The following MPND variants were observed in gnomAD, a reference collection of about 807,000 sequenced individuals.
The protein encoded by MPND is MPN domain containing.
Under a neutral mutation model 59.2 loss-of-function variants are expected in MPND, and 56 were observed. The ratio of observed to expected loss-of-function variants is 0.95; its 90% CI spans 0.76 to 1.18. The LOEUF is 1.18. Among genes scored for constraint, MPND ranks in the 50% most tolerant of loss-of-function variants. The pLI is 0.00. For missense variants in MPND, 671 were observed against 676.0 expected (o/e 0.99, Z 0.08); for synonymous variants, 323 against 291.9 (o/e 1.11, Z -1.09).
Position 4,343,733 on chromosome 19 carries a change from CG to C in MPND, c.35del (p.Gly12ValfsTer124), listed in dbSNP as rs1277787806. 8.3e-7 allele frequency: 1 copy of C among 1,205,122 alleles called. No individual in the cohort carries two copies. The highest frequency in any genetic ancestry group is 1.6e-5 in the African/African-American group (1 of 63,092). 74.7% of individuals were successfully genotyped at this position (1,205,122 alleles called of 1,614,324 possible). A position where few individuals can be genotyped will look rare whatever the true frequency, so the allele number is the denominator to read the frequency against. On this transcript the variant is annotated frameshift_variant, in exon 2 of 13. Coordinates refer to ENST00000599840, the MANE Select transcript of MPND (RefSeq NM_001300862.2). LOFTEE classifies it high-confidence loss of function. ...AAPEPLSPAG[G>X]AGEEAPEEDE... is the part of the protein sequence containing the mutation. Reference sequence around the variant, plus strand: ...CTCCGGAGCCGCTGTCCCCGGCGGGCGGTGCGGGCGAGGAGGCGCCGGAGGA... The same window carrying C: ...CTCCGGAGCCGCTGTCCCCGGCGGGCGTGCGGGCGAGGAGGCGCCGGAGGA...
chr19:4,355,305 G>C, intron 8 of MPND, 132 bp downstream of exon 8: 1 of 798,176 alleles, frequency 1.3e-6, no homozygotes, highest in Non-Finnish European at 2.0e-6. Flanking sequence ...CTGTGTGCTT[G>C]GGACCCCATG....
Position 4,345,864 on chromosome 19 carries a change from C to G in MPND, c.414C>G (p.Ala138=), listed in dbSNP as rs758428954. ...ACTGCAAGAAGCTGGTGAACCCTGC[C>G]AAGAAGTCGGGCTGTGGCTGGGCCT... The part of the protein sequence containing the change: ...ATHCKKLVNP[A]KKSGCGWASV... Residue 138 remains alanine, a synonymous_variant, in exon 3 of 13, where the codon GCC becomes GCG. Coordinates refer to ENST00000599840, the MANE Select transcript of MPND (RefSeq NM_001300862.2). The G allele has an allele frequency of 5.0e-6, 8 of 1,613,952 alleles. No homozygotes were observed. Among genetic ancestry groups the G allele is most frequent in the Non-Finnish European group, 6.8e-6 (8 of 1,180,036 alleles).
At position 4,359,208 on chromosome 19, in the gene MPND, C is replaced by T. The variant is rs1272306993; in HGVS notation, c.1372C>T (p.Leu458Phe). The change falls in exon 12 of 13, where the codon CTC (leucine) becomes TTC (phenylalanine). Residue 458 changes from leucine (L) to phenylalanine (F), a missense_variant. Coordinates refer to ENST00000599840, the MANE Select transcript of MPND (RefSeq NM_001300862.2). ...CAAGGGTTCCCCTGACCTCGTGAGG[C>T]TCCAGGAACCCTGGAGCCAGGAGCA... ...FYKGSPDLVRLQEPWSQEHTY... is the reference protein window; with the variant it reads ...FYKGSPDLVRFQEPWSQEHTY... 5.6e-6 allele frequency: 9 copies of T among 1,613,436 alleles called. No individual in the cohort carries two copies. The highest frequency in any genetic ancestry group is 7.6e-6 in the Non-Finnish European group (9 of 1,179,802).
intron 10 of MPND, 142 bp downstream of exon 10, chr19:4,357,727 G>A: frequency 1.3e-6 from 1 of 797,122 alleles, no homozygotes. Flanking sequence ...GGACGTGACT[G>A]CTGCCCTGCC....
At chr19:4,349,388 C>T (rs1972263227) in intron 3 of MPND, among the ~76,000 whole-genome samples, 1 of 152,044 alleles carries the variant, frequency 6.6e-6, no homozygotes, top group African/African-American at 2.4e-5. Flanking sequence ...GATTCCTTTG[C>T]CTTGGTGGGA....
intron 3 of MPND, among the ~76,000 whole-genome samples, chr19:4,350,639 C>T (rs992398931): frequency 2.6e-5 from 4 of 152,058 alleles, no homozygotes; most frequent in African/African-American, 4.8e-5. Flanking sequence ...GTGGGTGGAT[C>T]GAGCTGCCAA....
At chr19:4,358,761 T>C (rs1477105028) in intron 11 of MPND, among the ~76,000 whole-genome samples, 1 of 152,186 alleles carries the variant, frequency 6.6e-6, no homozygotes, top group African/African-American at 2.4e-5. Context: ...CGCTCCAGTC[T>C]GGGCCACAGA....
chr19:4,353,737 T>A (rs1972371002), intron 4 of MPND: 1 of 285,100 alleles, frequency 3.5e-6, no homozygotes, highest in Non-Finnish European at 6.7e-6. Context: ...AATTTTTGTA[T>A]TTTTTTTCAG....
Position 4,357,564 on chromosome 19 carries a change from C to T in MPND, c.1215C>T (p.Phe405=). 6.2e-7 allele frequency: 1 copy of T among 1,613,016 alleles called. No homozygotes were observed. Among genetic ancestry groups the T allele is most frequent in the East Asian group, 2.2e-5 (1 of 44,868 alleles). ...GCCCCGAGTCCAAGATCTCACCTTT[C>T]TGGGTGATGCCTCCTCCCGAGGTAG... is the stretch of plus-strand genomic sequence containing the variant. ...NPGPESKISP[F]WVMPPPEQRP... is the part of the protein sequence containing the mutation. The change falls in exon 10 of 13, where the codon TTC becomes TTT. Residue 405 remains phenylalanine (F), a synonymous_variant. Coordinates refer to ENST00000599840, the MANE Select transcript of MPND (RefSeq NM_001300862.2).
At chr19:4,354,289 T>C in intron 5 of MPND, 35 bp from the exon 6 acceptor site, 1 of 1,539,578 alleles carries the variant, frequency 6.5e-7, no homozygotes, top group Non-Finnish European at 8.8e-7. Flanking sequence ...AGCCTGGGGA[T>C]TCCTGAGACT....
intron 4 of MPND, 121 bp from the exon 5 acceptor site, chr19:4,353,924 G>C: frequency 5.0e-6 from 4 of 807,440 alleles, no homozygotes; most frequent in Non-Finnish European, 8.2e-6. Flanking sequence ...AACCTCCCAT[G>C]CTCAAGCGAT....
At chr19:4,348,550 CG>C (rs1972242137) in intron 3 of MPND, 1 of 150,716 alleles carries the variant, frequency 6.6e-6, no homozygotes, top group Non-Finnish European at 1.5e-5. Flanking sequence ...TGAGCCATCG[CG>C]CCCGGCCTAA....
In MPND at chr19:4,359,205, A is replaced by G. The variant is rs750364330; in HGVS notation, c.1369A>G (p.Arg457Gly). Residue 457 changes from arginine to glycine, a missense_variant, in exon 12 of 13, where the codon AGG becomes GGG. Physicochemically the swap from Arg to Gly is moderately radical, Grantham distance 125. Coordinates refer to ENST00000599840, the MANE Select transcript of MPND (RefSeq NM_001300862.2). ...EFYKGSPDLV[R>G]LQEPWSQEHT... The stretch of plus-strand genomic sequence containing the variant: ...CTACAAGGGTTCCCCTGACCTCGTG[A>G]GGCTCCAGGAACCCTGGAGCCAGGA... 3 of 1,613,232 alleles carry G rather than the reference A, an allele frequency of 1.9e-6. No homozygotes were observed. The East Asian group carries it at 6.7e-5, about 36-fold the overall frequency.
rs187767445 is a variant in MPND at position 4,357,509 on chromosome 19, C to A, written c.1166-6C>A. On this transcript the variant is annotated splice_polypyrimidine_tract_variant and splice_region_variant and intron_variant, in intron 9 of 12. Coordinates refer to ENST00000599840, the MANE Select transcript of MPND (RefSeq NM_001300862.2). ...AGGGCCAACCCCTCTCCCTCTCTCC[C>A]GCCAGCCCCTTACTATTCTGGCAAC... is the stretch of plus-strand genomic sequence containing the variant. 1.2e-6 allele frequency: 2 copies of A among 1,613,092 alleles called. No homozygotes were observed. Among genetic ancestry groups the A allele is most frequent in the Non-Finnish European group, 8.5e-7 (1 of 1,179,620 alleles).
intron 3 of MPND, among the ~76,000 whole-genome samples, chr19:4,349,887 T>A (rs901251800): frequency 1.3e-5 from 2 of 152,212 alleles, no homozygotes; most frequent in Non-Finnish European, 2.9e-5. Context: ...ATCGCAGTAA[T>A]GCCTAGATCA....
At chr19:4,359,625 G>A (rs1972533281) in intron 12 of MPND, among the ~76,000 whole-genome samples, 1 of 152,168 alleles carries the variant, frequency 6.6e-6, no homozygotes, top group Non-Finnish European at 1.5e-5. Flanking sequence ...TGGAGGCTGT[G>A]GTGTCCCCAT....
intron 4 of MPND, 44 bp from the exon 5 acceptor site, chr19:4,354,001 A>G (rs1972376616): frequency 1.9e-6 from 3 of 1,570,872 alleles, no homozygotes; most frequent in African/African-American, 2.7e-5. Context: ...AATTTGTTCT[A>G]ACTTGGGCTG....
intron 3 of MPND, among the ~76,000 whole-genome samples, chr19:4,350,712 G>GT (rs1972297687): frequency 6.6e-6 from 1 of 152,208 alleles, no homozygotes; most frequent in Non-Finnish European, 1.5e-5. Context: ...GCTGTGTTGA[G>GT]TGTGACCCTG....
intron 10 of MPND, 34 bp downstream of exon 10, chr19:4,357,619 C>G (rs748777264): frequency 6.3e-7 from 1 of 1,581,546 alleles, no homozygotes; most frequent in Non-Finnish European, 8.6e-7. Flanking sequence ...CTGGGGGGCC[C>G]GGGAGCACTG....
Sources: gnomAD v4.1 joint callset for allele counts (sites outside exome capture counted in the v4.1 genomes callset) on GRCh38, gnomAD v4.1.1 for gene constraint, MANE v1.5 for transcripts, NCBI Gene and HGNC (gene_info 2026-07-23, HGNC 2026-07-21) for gene names.